PLXDC2: variants seen among roughly 807,000 people sequenced by gnomAD.
PLXDC2 encodes plexin domain containing 2.
PLXDC2 carries 40 observed loss-of-function variants against 68.9 expected under a neutral mutation model. The observed-to-expected ratio is 0.58, with a 90% CI of 0.45 to 0.76. PLXDC2 has a LOEUF of 0.76. Among genes scored for constraint, PLXDC2 ranks in the 30% least tolerant of loss-of-function variants. The pLI is 0.00. For synonymous variants in PLXDC2, 243 were observed against 234.2 expected (o/e 1.04, Z -0.34); for missense variants, 644 against 661.9 (o/e 0.97, Z 0.30).
chr10:19,941,267 T>A (rs1218774889), intron 1 of PLXDC2, among the ~76,000 whole-genome samples: 1 of 152,214 alleles, frequency 6.6e-6, no homozygotes, highest in Non-Finnish European at 1.5e-5. Context: ...TGTGTTCTTA[T>A]CATGATGCTA....
chr10:20,067,865 G>T (rs1836239988), intron 3 of PLXDC2, among the ~76,000 whole-genome samples: 1 of 151,956 alleles, frequency 6.6e-6, no homozygotes, highest in Non-Finnish European at 1.5e-5. Flanking sequence ...CTACTATTTT[G>T]GAGGAACTAG....
chr10:20,023,461 C>T (rs1019586339), intron 2 of PLXDC2, among the ~76,000 whole-genome samples: 6 of 152,076 alleles, frequency 3.9e-5, no homozygotes, highest in Admixed American at 3.3e-4. Context: ...GTAATTAGGC[C>T]ATGAAGGTTC....
rs1836353381 is a variant in PLXDC2, at chr10:19,816,916, C to T, written c.-164C>T. ...CGCTCCTACTCGCGTTCGCTTCTTC[C>T]TCTTCTCGGTTCCCTACTGTGAAAT... On this transcript the variant is annotated 5_prime_UTR_variant, in exon 1 of 14. Coordinates refer to ENST00000377252, the MANE Select transcript of PLXDC2 (RefSeq NM_032812.9). 16 of 606,758 alleles carry T rather than the reference C, an allele frequency of 2.6e-5. No homozygotes were observed. The highest frequency in any genetic ancestry group is 4.1e-5 in the Non-Finnish European group (14 of 343,082). 37.6% of individuals were successfully genotyped at this position (606,758 alleles called of 1,614,324 possible).
chr10:20,050,407 T>A (rs1186404811), intron 3 of PLXDC2, among the ~76,000 whole-genome samples: 1 of 151,874 alleles, frequency 6.6e-6, no homozygotes, highest in Non-Finnish European at 1.5e-5. Flanking sequence ...AAAGAAACTA[T>A]CAATAGGGTA....
At chr10:19,995,341 T>A (rs542363481) in intron 1 of PLXDC2, among the ~76,000 whole-genome samples, 1 of 152,322 alleles carries the variant, frequency 6.6e-6, no homozygotes, top group African/African-American at 2.4e-5. Flanking sequence ...CCAAGAGTCC[T>A]TTCCACACAC....
chr10:20,111,503 T>C (rs2131748418), intron 4 of PLXDC2, among the ~76,000 whole-genome samples: 1 of 152,330 alleles, frequency 6.6e-6, no homozygotes, highest in East Asian at 1.9e-4. Context: ...CTAAGTAAAT[T>C]ATACACATAC....
intron 1 of PLXDC2, among the ~76,000 whole-genome samples, chr10:19,848,378 C>A (rs767949341): frequency 6.6e-6 from 1 of 152,126 alleles, no homozygotes; most frequent in African/African-American, 2.4e-5. Context: ...CTACTCCCTG[C>A]AGATGCATTG....
intron 9 of PLXDC2, among the ~76,000 whole-genome samples, chr10:20,202,093 A>G (rs1450707559): frequency 5.3e-5 from 8 of 152,188 alleles, no homozygotes; most frequent in African/African-American, 1.7e-4. Context: ...GCAGTTCAGC[A>G]TTTTCACCCA....
At chr10:19,828,817 A>T (rs1359345986) in intron 1 of PLXDC2, among the ~76,000 whole-genome samples, 6 of 152,036 alleles carry the variant, frequency 3.9e-5, no homozygotes, top group Admixed American at 3.9e-4. Flanking sequence ...GCTTTTCTCC[A>T]GCCCCCAGTT....
intron 2 of PLXDC2, among the ~76,000 whole-genome samples, chr10:20,013,448 A>G (rs1038469793): frequency 2.6e-5 from 4 of 152,200 alleles, no homozygotes; most frequent in African/African-American, 9.6e-5. Flanking sequence ...TTTGTGGTTT[A>G]ATGAAAATTT....
At chr10:20,229,592 A>G (rs1172766056) in intron 12 of PLXDC2, among the ~76,000 whole-genome samples, 4 of 151,224 alleles carry the variant, frequency 2.6e-5, no homozygotes, top group Admixed American at 2.0e-4. Flanking sequence ...TCAAAATGGC[A>G]TAATGCTTTA....
intron 2 of PLXDC2, among the ~76,000 whole-genome samples, chr10:20,020,177 A>ATTTTTTTTTTTTTTTTT (rs1564659038): frequency 2.5e-4 from 25 of 98,198 alleles, no homozygotes; most frequent in African/African-American, 8.8e-4. Context: ...ACACCCAGCA[A>ATTTTTTTTTTTTTTTTT]ATTTTTTTTT....
At chr10:20,182,312 T>C (rs1834616867) in intron 9 of PLXDC2, among the ~76,000 whole-genome samples, 1 of 149,364 alleles carries the variant, frequency 6.7e-6, no homozygotes, top group Non-Finnish European at 1.5e-5. Context: ...ATACATTTAT[T>C]CTGCCCAATC....
chr10:19,912,678 G>C (rs1833295743), intron 1 of PLXDC2, among the ~76,000 whole-genome samples: 2 of 151,666 alleles, frequency 1.3e-5, no homozygotes, highest in Admixed American at 6.6e-5. Context: ...ATTAACATTA[G>C]GAATAACTTT....
intron 9 of PLXDC2, among the ~76,000 whole-genome samples, chr10:20,180,938 TGTGA>T (rs1834595241): frequency 1.3e-5 from 2 of 152,166 alleles, no homozygotes; most frequent in Non-Finnish European, 2.9e-5. Context: ...CACAAAAATC[TGTGA>T]GTGTCTCTGT....
At chr10:19,985,839 C>T (rs1564647791) in intron 1 of PLXDC2, among the ~76,000 whole-genome samples, 1 of 152,182 alleles carries the variant, frequency 6.6e-6, no homozygotes, top group African/African-American at 2.4e-5. Context: ...GACTTTCCAC[C>T]TCCTTAGAGT....
intron 13 of PLXDC2, among the ~76,000 whole-genome samples, chr10:20,247,296 CAAAAAA>C (rs77665495): frequency 4.1e-5 from 4 of 96,538 alleles, no homozygotes; most frequent in African/African-American, 1.4e-4. Flanking sequence ...TTCATCTCTA[CAAAAAA>C]AAAAAAAAAG....
chr10:19,979,375 A>G (rs72789647), intron 1 of PLXDC2, among the ~76,000 whole-genome samples: 9,099 of 150,090 alleles, frequency 0.061, 306 homozygotes, highest in Middle Eastern at 0.092. Context: ...ATAGATAGAT[A>G]GATAGATTTT....
chr10:19,953,408 T>A (rs182349671), intron 1 of PLXDC2, among the ~76,000 whole-genome samples: 36 of 152,338 alleles, frequency 2.4e-4, no homozygotes, highest in Admixed American at 5.9e-4. Flanking sequence ...CCTGTGAGTG[T>A]GTAAGTTCAC....
Sources: allele counts gnomAD v4.1 joint callset (sites outside exome capture counted in the v4.1 genomes callset), GRCh38; gene constraint gnomAD v4.1.1; transcripts MANE v1.5; gene names NCBI Gene and HGNC (gene_info 2026-07-23, HGNC 2026-07-21).